NALCN: variants seen among roughly 807,000 people sequenced by gnomAD.
NALCN encodes sodium leak channel, non-selective, also known as sodium leak channel NALCN.
NALCN carries 111 observed loss-of-function variants against 225.3 expected under a neutral mutation model. The ratio of observed to expected loss-of-function variants is 0.49; its 90% CI spans 0.42 to 0.58. The LOEUF (loss-of-function observed/expected upper bound fraction) is 0.58, where lower values mean the gene tolerates loss of function less well. Ranked by LOEUF, NALCN falls within the 20% of genes least tolerant of loss-of-function variation. The pLI is 0.00. For missense variants in NALCN, 1,378 were observed against 2,202.4 expected (o/e 0.63, Z 7.49); for synonymous variants, 764 against 769.0 (o/e 0.99, Z 0.11).
At chr13:101,347,165 A>ACC (rs1555339441) in intron 6 of NALCN, among the ~76,000 whole-genome samples, 4 of 150,726 alleles carry the variant, frequency 2.7e-5, no homozygotes, top group African/African-American at 4.9e-5. Flanking sequence ...ACACACACAC[A>ACC]CCCCATGGCT....
intron 15 of NALCN, among the ~76,000 whole-genome samples, chr13:101,161,336 T>G (rs1163068754): frequency 1.3e-5 from 2 of 152,224 alleles, no homozygotes; most frequent in Non-Finnish European, 2.9e-5. Flanking sequence ...AAGGCTGAGT[T>G]GATGAACGTT....
At chr13:101,120,067 T>C (rs2139681520) in intron 18 of NALCN, among the ~76,000 whole-genome samples, 1 of 152,346 alleles carries the variant, frequency 6.6e-6, no homozygotes, top group Non-Finnish European at 1.5e-5. Context: ...ACCTGTGAGT[T>C]ACATACCTCA....
At chr13:101,140,749 T>C (rs2037036076) in intron 17 of NALCN, among the ~76,000 whole-genome samples, 1 of 151,566 alleles carries the variant, frequency 6.6e-6, no homozygotes, top group Non-Finnish European at 1.5e-5. Flanking sequence ...AGAAGAGAGG[T>C]GATAAGTTTA....
At chr13:101,132,021 T>C (rs1200040295) in intron 17 of NALCN, among the ~76,000 whole-genome samples, 1 of 152,150 alleles carries the variant, frequency 6.6e-6, no homozygotes. Context: ...CTTTTCTCTT[T>C]ATTATTTCTT....
At chr13:101,131,263 G>C (rs2036502856) in intron 17 of NALCN, among the ~76,000 whole-genome samples, 1 of 152,104 alleles carries the variant, frequency 6.6e-6, no homozygotes, top group Middle Eastern at 3.2e-3. Flanking sequence ...GTTTGAGCTG[G>C]TTAGAGCACG....
chr13:101,247,908 C>G (rs2041948328), intron 11 of NALCN, among the ~76,000 whole-genome samples: 1 of 152,140 alleles, frequency 6.6e-6, no homozygotes, highest in Admixed American at 6.6e-5. Context: ...TAAGTGAGAA[C>G]ATGCAGTGTT....
At chr13:101,344,833 T>G (rs969789439) in intron 7 of NALCN, among the ~76,000 whole-genome samples, 2 of 152,166 alleles carry the variant, frequency 1.3e-5, no homozygotes, top group Non-Finnish European at 1.5e-5. Context: ...AAGGAGCACT[T>G]TTCAGCTCTA....
At chr13:101,192,423 A>C (rs919828750) in intron 13 of NALCN, among the ~76,000 whole-genome samples, 4 of 152,198 alleles carry the variant, frequency 2.6e-5, no homozygotes, top group Non-Finnish European at 4.4e-5. Flanking sequence ...TGCTGCTAAG[A>C]GAAACTTATT....
chr13:101,305,046 C>T lies in NALCN; in HGVS notation c.800-12680G>A, dbSNP rs553808746. 1.8e-4 allele frequency among the ~76,000 whole-genome samples: 28 copies of T among 152,230 alleles called. No individual in the cohort carries two copies. The East Asian group carries it at 2.9e-3, about 16-fold the overall frequency. On this transcript the variant is annotated intron_variant, in intron 7 of 43. Coordinates refer to ENST00000251127, the MANE Select transcript of NALCN (RefSeq NM_052867.4). ...CTGGGATTACAGGCATGAGCCACCG[C>T]ACCCGGCCTGGCCTGGAATAATTTT...
At chr13:101,142,563 AT>A (rs2037140716) in intron 17 of NALCN, among the ~76,000 whole-genome samples, 1 of 152,146 alleles carries the variant, frequency 6.6e-6, no homozygotes. Context: ...TCTGAAAAAA[AT>A]TTTCCCTTCT....
rs1463124058 is a variant in NALCN, at chr13:101,104,748, G to C, written c.2637-98C>G. Reference sequence around the variant, plus strand: ...TTCTGTGGCTCTATCAACATGACTGGTATTTTAAAAACATCATTCCCCAAT... The same window carrying C: ...TTCTGTGGCTCTATCAACATGACTGCTATTTTAAAAACATCATTCCCCAAT... On this transcript the variant is annotated intron_variant, in intron 23 of 43. Coordinates refer to ENST00000251127, the MANE Select transcript of NALCN (RefSeq NM_052867.4). The surrounding 1 kb of genome is among the most constrained non-coding windows in gnomAD (Gnocchi z 4.2). 11 of 1,565,788 alleles carry C rather than the reference G, an allele frequency of 7.0e-6. No homozygotes were observed. Among genetic ancestry groups the C allele is most frequent in the Non-Finnish European group, 8.7e-7 (1 of 1,147,146 alleles).
At chr13:101,222,373 T>G (rs984396318) in intron 13 of NALCN, among the ~76,000 whole-genome samples, 1 of 152,120 alleles carries the variant, frequency 6.6e-6, no homozygotes, top group Non-Finnish European at 1.5e-5. Flanking sequence ...TCTCTCTTCA[T>G]AGATGCTCCC....
rs191668127 is a variant in NALCN at position 101,246,712 on chromosome 13, T to A, written c.1267-8790A>T. Among the ~76,000 whole-genome samples, 1,058 of 152,294 alleles carry A rather than the reference T, an allele frequency of 6.9e-3. 5 individuals carry two copies. The highest frequency in any genetic ancestry group is 0.021 in the South Asian group (100 of 4,826). On this transcript the variant is annotated intron_variant, in intron 11 of 43. Coordinates refer to ENST00000251127, the MANE Select transcript of NALCN (RefSeq NM_052867.4). ...CAGAAAATGAAATTAAACTCAACAA[T>A]AATGTCAAAGACTGCTGCTATGGCA...
intron 7 of NALCN, among the ~76,000 whole-genome samples, chr13:101,330,715 C>T (rs2045136567): frequency 6.6e-6 from 1 of 152,100 alleles, no homozygotes; most frequent in Admixed American, 6.5e-5. Context: ...CATAATAATC[C>T]CCATGTGTCC....
At chr13:101,351,604 G>A (rs139912797) in intron 6 of NALCN, among the ~76,000 whole-genome samples, 5 of 152,168 alleles carry the variant, frequency 3.3e-5, no homozygotes, top group East Asian at 1.9e-4. Flanking sequence ...ATCTCAGTTC[G>A]GTGATTAACC....
At chr13:101,416,121 C>G (rs886381627) in intron 1 of NALCN, among the ~76,000 whole-genome samples, 192 bp downstream of exon 1, 4 of 151,920 alleles carry the variant, frequency 2.6e-5, no homozygotes, top group Non-Finnish European at 5.9e-5. Flanking sequence ...TGGAGGCGCC[C>G]CTCCCCACCC....
At chr13:101,247,506 T>G (rs2041933253) in intron 11 of NALCN, among the ~76,000 whole-genome samples, 2 of 152,108 alleles carry the variant, frequency 1.3e-5, no homozygotes, top group Non-Finnish European at 2.9e-5. Flanking sequence ...TGAGGCAGCA[T>G]GCAAAGATTT....
chr13:101,142,196 C>T (rs1458627738), intron 17 of NALCN, among the ~76,000 whole-genome samples: 1 of 124,474 alleles, frequency 8.0e-6, no homozygotes, highest in East Asian at 2.5e-4. Context: ...GGCTGGAGTA[C>T]AGTGGCACAA....
intron 14 of NALCN, among the ~76,000 whole-genome samples, chr13:101,185,637 A>G (rs1302937173): frequency 6.6e-6 from 1 of 152,226 alleles, no homozygotes; most frequent in Admixed American, 6.5e-5. Flanking sequence ...GGGACAATAC[A>G]TGGAGGTTAT....
Sources: allele counts gnomAD v4.1 joint callset (sites outside exome capture counted in the v4.1 genomes callset), GRCh38; gene constraint gnomAD v4.1.1; non-coding constraint Gnocchi (gnomAD v3.1); transcripts MANE v1.5; gene names NCBI Gene and HGNC (gene_info 2026-07-23, HGNC 2026-07-21).